The following INSC variants were observed in gnomAD, a reference collection of about 807,000 sequenced individuals.
INSC encodes INSC spindle orientation adaptor protein, also known as protein inscuteable homolog.
In INSC, 67 loss-of-function variants were observed where a neutral mutation model predicts 58.6. The ratio of observed to expected loss-of-function variants is 1.14; its 90% CI spans 0.94 to 1.40. INSC has a LOEUF of 1.40. Ranked by LOEUF, INSC falls within the 40% of genes most tolerant of loss-of-function variation. The probability of loss-of-function intolerance (pLI) is 0.00; values close to 1 mark genes in which losing one functional copy is unlikely to be tolerated. For missense variants in INSC, 714 were observed against 692.0 expected (o/e 1.03, Z -0.36); for synonymous variants, 262 against 276.1 (o/e 0.95, Z 0.51).
rs764701583 is a variant in INSC, at chr11:15,221,474, C to T, written c.820-3C>T. 87 of 1,603,216 alleles carry T rather than the reference C, an allele frequency of 5.4e-5. 1 individual carries two copies. Among genetic ancestry groups the T allele is most frequent in the Admixed American group, 3.2e-4 (19 of 59,304 alleles). ...CAGGGGAGCTCCCTCTCTCCATCTG[C>T]AGGTGGATGGCGTTCTGTGCTTGGC... On this transcript the variant is annotated splice_polypyrimidine_tract_variant and splice_region_variant and intron_variant, in intron 7 of 12. Coordinates refer to ENST00000379556, the MANE Select transcript of INSC (RefSeq NM_001042536.3).
intron 2 of INSC, among the ~76,000 whole-genome samples, chr11:15,167,046 T>A (rs1478384098): frequency 6.6e-6 from 1 of 152,218 alleles, no homozygotes; most frequent in Non-Finnish European, 1.5e-5. Flanking sequence ...CTGGTGGATT[T>A]TTTTTTATTT....
At chr11:15,255,150 C>A in the INSC span, among the ~76,000 whole-genome samples, 1 of 152,240 alleles carries the variant, frequency 6.6e-6, no homozygotes, top group South Asian at 2.1e-4. Flanking sequence ...CATGATCATT[C>A]CACTTGGTAC....
At chr11:15,205,134 A>G (rs1850747386) in intron 7 of INSC, among the ~76,000 whole-genome samples, 1 of 152,190 alleles carries the variant, frequency 6.6e-6, no homozygotes, top group African/African-American at 2.4e-5. Context: ...CCAGTGCTTT[A>G]AGAGGGTGAG....
At chr11:15,135,851 A>G (rs919503988) in intron 1 of INSC, among the ~76,000 whole-genome samples, 25 of 152,216 alleles carry the variant, frequency 1.6e-4, no homozygotes, top group Non-Finnish European at 2.6e-4. Context: ...GAGGCTGAGA[A>G]GTCCAATATC....
rs1196273317 is a variant in INSC, at chr11:15,246,088, A to G, written c.*48A>G. Reference sequence around the variant, plus strand: ...TTTGGCTGTTCTCACACCCCCTCTGACTATGCACCAGTGAACACATCTGAG... The same window carrying G: ...TTTGGCTGTTCTCACACCCCCTCTGGCTATGCACCAGTGAACACATCTGAG... On this transcript the variant is annotated 3_prime_UTR_variant, in exon 13 of 13. Transcript: ENST00000379556. 1 of 1,609,354 alleles carries G rather than the reference A, an allele frequency of 6.2e-7. No homozygotes were observed. Among genetic ancestry groups the G allele is most frequent in the Non-Finnish European group, 8.5e-7 (1 of 1,176,406 alleles).
At chr11:15,131,426 T>C (rs535009523) in intron 1 of INSC, among the ~76,000 whole-genome samples, 3 of 152,062 alleles carry the variant, frequency 2.0e-5, no homozygotes, top group Non-Finnish European at 4.4e-5. Context: ...AAAAGAATGA[T>C]TCATGAGTGC....
intron 2 of INSC, among the ~76,000 whole-genome samples, chr11:15,169,686 C>A: frequency 6.6e-6 from 1 of 151,840 alleles, no homozygotes; most frequent in East Asian, 1.9e-4. Flanking sequence ...GGATTACAGG[C>A]GTGTGTCACC....
chr11:15,252,481 G>T, the INSC span, among the ~76,000 whole-genome samples: 3 of 152,328 alleles, frequency 2.0e-5, no homozygotes, highest in African/African-American at 7.2e-5. Flanking sequence ...TCACTCAGCT[G>T]GCTGGCAAGT....
intron 8 of INSC, among the ~76,000 whole-genome samples, chr11:15,222,612 T>C (rs910724805): frequency 5.3e-5 from 8 of 152,186 alleles, no homozygotes; most frequent in African/African-American, 1.9e-4. Flanking sequence ...CCATGTCACA[T>C]TGTAAAACCC....
upstream of INSC, chr11:15,112,367 G>A: frequency 2.1e-6 from 2 of 955,214 alleles, 1 homozygote; most frequent in South Asian, 3.4e-5. Context: ...TGAGTCACAG[G>A]CCTTCTCAGG....
chr11:15,114,286 C>G (rs1230153407), upstream of INSC, among the ~76,000 whole-genome samples: 1 of 151,616 alleles, frequency 6.6e-6, no homozygotes, highest in East Asian at 2.0e-4. Flanking sequence ...TCTTATGTGC[C>G]GAAGTTAGAA....
At chr11:15,126,500 T>C (rs1472447486) in intron 1 of INSC, among the ~76,000 whole-genome samples, 3 of 152,138 alleles carry the variant, frequency 2.0e-5, no homozygotes, top group Non-Finnish European at 4.4e-5. Context: ...CTGGGGTCAC[T>C]GGATTGTAGG....
intron 2 of INSC, among the ~76,000 whole-genome samples, chr11:15,153,342 C>T (rs1396983553): frequency 1.3e-5 from 2 of 152,206 alleles, no homozygotes; most frequent in Non-Finnish European, 2.9e-5. Context: ...TTGTGGCAGG[C>T]AACCTCCTGG....
At chr11:15,159,662 G>C (rs1265493757) in intron 2 of INSC, among the ~76,000 whole-genome samples, 1 of 152,190 alleles carries the variant, frequency 6.6e-6, no homozygotes, top group Non-Finnish European at 1.5e-5. Flanking sequence ...ACACTGATGA[G>C]CTGGGTTCAG....
At chr11:15,263,975 ATCTC>A in the INSC span, among the ~76,000 whole-genome samples, 5 of 149,896 alleles carry the variant, frequency 3.3e-5, no homozygotes, top group African/African-American at 1.2e-4. Flanking sequence ...CTTTTGCTGT[ATCTC>A]TATTCTGCTG....
At chr11:15,181,148 A>T (rs1010941700) in intron 5 of INSC, among the ~76,000 whole-genome samples, 2 of 152,212 alleles carry the variant, frequency 1.3e-5, no homozygotes, top group Non-Finnish European at 2.9e-5. Context: ...TCAAGCACTT[A>T]TAGTATTTCT....
At chr11:15,140,586 T>C (rs1010902774) in intron 1 of INSC, among the ~76,000 whole-genome samples, 4 of 151,082 alleles carry the variant, frequency 2.6e-5, no homozygotes, top group African/African-American at 7.3e-5. Flanking sequence ...CTTTCTTCTT[T>C]TTTTTTTTTT....
chr11:15,167,952 C>T (rs1849259236), intron 2 of INSC, among the ~76,000 whole-genome samples: 1 of 152,118 alleles, frequency 6.6e-6, no homozygotes, highest in African/African-American at 2.4e-5. Context: ...TTCTTGCCCA[C>T]TCTCCTCTCC....
chr11:15,118,585 G>T (rs529150432), intron 1 of INSC, among the ~76,000 whole-genome samples: 1 of 152,166 alleles, frequency 6.6e-6, no homozygotes, highest in Non-Finnish European at 1.5e-5. Flanking sequence ...ATCCCCTGTG[G>T]CCTGGTACTG....
Sources: allele counts gnomAD v4.1 joint callset (sites outside exome capture counted in the v4.1 genomes callset), GRCh38; gene constraint gnomAD v4.1.1; transcripts MANE v1.5; gene names NCBI Gene and HGNC (gene_info 2026-07-23, HGNC 2026-07-21).